The following CREB5 variants were observed in gnomAD, a reference collection of about 807,000 sequenced individuals.
CREB5 encodes cyclic AMP-responsive element-binding protein 5.
CREB5 carries 19 observed loss-of-function variants against 57.1 expected under a neutral mutation model. The observed-to-expected ratio is 0.33, with a 90% CI of 0.23 to 0.49. The LOEUF (loss-of-function observed/expected upper bound fraction) is 0.49. CREB5 is among the 20% of genes least tolerant of loss of function. The pLI, the probability that CREB5 is intolerant of heterozygous loss-of-function variation, is 0.99. For synonymous variants in CREB5, 238 were observed against 238.3 expected (o/e 1.00, Z 0.01); for missense variants, 579 against 671.6 (o/e 0.86, Z 1.52).
At chr7:28,659,197 A>G (rs1363397403) in intron 5 of CREB5, among the ~76,000 whole-genome samples, 1 of 151,912 alleles carries the variant, frequency 6.6e-6, no homozygotes, top group Non-Finnish European at 1.5e-5. Flanking sequence ...GCCTGAGTAA[A>G]GTCTTTGCAG....
intron 7 of CREB5, among the ~76,000 whole-genome samples, chr7:28,755,563 T>G (rs1294176924): frequency 6.6e-6 from 1 of 151,816 alleles, no homozygotes; most frequent in Non-Finnish European, 1.5e-5. Flanking sequence ...GGATTAGGAG[T>G]AGGGAGGGAC....
At chr7:28,639,583 A>G (rs1185484606) in intron 5 of CREB5, among the ~76,000 whole-genome samples, 1 of 152,166 alleles carries the variant, frequency 6.6e-6, no homozygotes, top group African/African-American at 2.4e-5. Flanking sequence ...ATTTCTTGGT[A>G]CTTTGGCTTC....
rs1334286077 is a variant in CREB5, at chr7:28,683,959, T to A, written c.465-34794T>A. On this transcript the variant is annotated intron_variant, in intron 5 of 10. Coordinates refer to ENST00000357727, the MANE Select transcript of CREB5 (RefSeq NM_182898.4). ...CCATTTTGCACCAAAAATAGTAACA[T>A]AAATAAAACATTTAAATAAGAAAAC... Among the ~76,000 whole-genome samples the A allele has an allele frequency of 5.3e-5, 8 of 151,560 alleles. No homozygotes were observed. The East Asian group carries it at 1.5e-3, about 29-fold the overall frequency.
At chr7:28,732,642 C>G (rs1583632470) in intron 7 of CREB5, among the ~76,000 whole-genome samples, 2 of 151,682 alleles carry the variant, frequency 1.3e-5, no homozygotes, top group Admixed American at 1.3e-4. Flanking sequence ...ATGTTTGTAG[C>G]TTACACTTCC....
chr7:28,509,174 T>C (rs1008905567), intron 4 of CREB5, among the ~76,000 whole-genome samples: 3 of 152,210 alleles, frequency 2.0e-5, no homozygotes, highest in Non-Finnish European at 4.4e-5. Context: ...ATAAGAAAGA[T>C]GTGTATTTCA....
rs1216566723 is a variant in CREB5, at chr7:28,570,418, C to T, written c.345C>T (p.His115=). The T allele has an allele frequency of 6.2e-7, 1 of 1,614,048 alleles. No individual in the cohort carries two copies. The highest frequency in any genetic ancestry group is 1.3e-5 in the African/African-American group (1 of 74,930). ...VGGAMTGPGT[H]QLSSARLPNH... ...GGGCCATGACGGGGCCCGGAACTCA[C>T]CAGCTTAGCAGCGCTCGGCTGCCCA... Residue 115 remains histidine (H), a synonymous_variant, in exon 5 of 11, where the codon CAC becomes CAT. Coordinates refer to ENST00000357727, the MANE Select transcript of CREB5 (RefSeq NM_182898.4).
chr7:28,614,732 CATGTT>C (rs1797531393), intron 5 of CREB5, among the ~76,000 whole-genome samples: 1 of 152,002 alleles, frequency 6.6e-6, no homozygotes. Flanking sequence ...AAATTTAAAA[CATGTT>C]ATGCAAGCAG....
intron 1 of CREB5, among the ~76,000 whole-genome samples, chr7:28,421,846 ACTCT>A (rs879618076): frequency 0.29 from 11,419 of 39,836 alleles, 1,216 homozygotes; most frequent in East Asian, 0.53. Flanking sequence ...ACACACACAC[ACTCT>A]CTCTCTCTAT....
intron 1 of CREB5, among the ~76,000 whole-genome samples, chr7:28,346,646 CT>C (rs1174843358): frequency 6.6e-6 from 1 of 152,204 alleles, no homozygotes; most frequent in Non-Finnish European, 1.5e-5. Context: ...CTTTGTACCC[CT>C]ATATTGATAA....
chr7:28,457,490 G>A (rs1790152556), intron 1 of CREB5, among the ~76,000 whole-genome samples: 2 of 152,086 alleles, frequency 1.3e-5, no homozygotes, highest in Admixed American at 1.3e-4. Context: ...TCATCTTTCC[G>A]CCAAAATAAT....
At chr7:28,454,826 C>T (rs924725899) in intron 1 of CREB5, among the ~76,000 whole-genome samples, 4 of 152,110 alleles carry the variant, frequency 2.6e-5, no homozygotes, top group Admixed American at 6.5e-5. Flanking sequence ...TTGGAAGATC[C>T]GACCTACTCT....
intron 5 of CREB5, among the ~76,000 whole-genome samples, chr7:28,691,636 T>G (rs2128730784): frequency 6.6e-6 from 1 of 152,136 alleles, no homozygotes; most frequent in Middle Eastern, 3.4e-3. Flanking sequence ...AGACAACATC[T>G]CTGGGGTCCA....
intron 7 of CREB5, among the ~76,000 whole-genome samples, chr7:28,750,372 A>G (rs553179057): frequency 6.6e-6 from 1 of 152,188 alleles, no homozygotes; most frequent in South Asian, 2.1e-4. Flanking sequence ...CTTAACAATA[A>G]ACTGGTTAAT....
At chr7:28,683,376 T>A (rs1800697307) in intron 5 of CREB5, among the ~76,000 whole-genome samples, 1 of 152,114 alleles carries the variant, frequency 6.6e-6, no homozygotes, top group Non-Finnish European at 1.5e-5. Flanking sequence ...GAGGGAATAG[T>A]TATGTCCCGA....
intron 5 of CREB5, among the ~76,000 whole-genome samples, chr7:28,574,884 A>T (rs933029964): frequency 6.6e-6 from 1 of 152,232 alleles, no homozygotes; most frequent in Non-Finnish European, 1.5e-5. Flanking sequence ...ATATATTTCC[A>T]CATGATGCGT....
chr7:28,800,656 A>C (rs962383351), intron 7 of CREB5, among the ~76,000 whole-genome samples: 2 of 152,220 alleles, frequency 1.3e-5, no homozygotes, highest in African/African-American at 4.8e-5. Context: ...TCTTTGCTGC[A>C]GATGAGGTTC....
intron 7 of CREB5, among the ~76,000 whole-genome samples, chr7:28,803,014 G>A (rs1271323087): frequency 6.6e-6 from 1 of 152,208 alleles, no homozygotes; most frequent in Non-Finnish European, 1.5e-5. Flanking sequence ...GAGTAGTTGT[G>A]ACACAGAAGA....
chr7:28,754,668 C>T (rs1211928103), intron 7 of CREB5, among the ~76,000 whole-genome samples: 7 of 152,156 alleles, frequency 4.6e-5, no homozygotes, highest in South Asian at 2.1e-4. Context: ...CATGCTGGCA[C>T]GTAGCTCCCA....
chr7:28,603,663 A>G (rs1297302321), intron 5 of CREB5, among the ~76,000 whole-genome samples: 1 of 152,224 alleles, frequency 6.6e-6, no homozygotes, highest in East Asian at 1.9e-4. Context: ...CACATTGTCC[A>G]CATTTTGGAT....
Sources: gnomAD v4.1 joint callset for allele counts (sites outside exome capture counted in the v4.1 genomes callset) on GRCh38, gnomAD v4.1.1 for gene constraint, MANE v1.5 for transcripts, NCBI Gene and HGNC (gene_info 2026-07-23, HGNC 2026-07-21) for gene names.